The following ANKRD18B variants were observed in gnomAD, a reference collection of about 807,000 sequenced individuals.
ANKRD18B encodes ankyrin repeat domain-containing protein 18B.
Under a neutral mutation model 111.8 loss-of-function variants are expected in ANKRD18B, and 75 were observed. That is an observed-to-expected ratio of 0.67 (90% CI 0.56 to 0.81). The LOEUF is 0.81. ANKRD18B is among the 40% of genes least tolerant of loss of function. ANKRD18B has a pLI of 0.00. For missense variants in ANKRD18B, 1,038 were observed against 1,225.5 expected (o/e 0.85, Z 2.28); for synonymous variants, 356 against 417.3 (o/e 0.85, Z 1.79).
At chr9:33,531,458 A>G (rs1828115184) in intron 3 of ANKRD18B, among the ~76,000 whole-genome samples, 1 of 151,976 alleles carries the variant, frequency 6.6e-6, no homozygotes, top group South Asian at 2.1e-4. Context: ...GTCAACATGT[A>G]AACTTTAGTG....
At chr9:33,537,048 G>C in intron 6 of ANKRD18B, 103 bp downstream of exon 6, 1 of 846,824 alleles carries the variant, frequency 1.2e-6, no homozygotes, top group Non-Finnish European at 1.7e-6. Context: ...TGTAATCCCA[G>C]CACTTTGGGA....
intron 17 of ANKRD18B, among the ~76,000 whole-genome samples, chr9:33,569,749 C>T (rs1189894370): frequency 1.3e-5 from 2 of 152,062 alleles, no homozygotes; most frequent in African/African-American, 2.4e-5. Flanking sequence ...AACCTTTGTG[C>T]TTGGCCAGGT....
chr9:33,548,217 G>C lies in ANKRD18B; in HGVS notation c.1429G>C (p.Glu477Gln), dbSNP rs1239098924. The change falls in exon 11 of 19, where the codon GAG (glutamate) becomes CAG (glutamine). Residue 477 changes from glutamate to glutamine, a missense_variant. This residue lies in a region of ANKRD18B where 205 missense variants were observed against 201.3 expected (regional missense o/e 1.02). Transcript: ENST00000684830. ...GAATGCAAGGCTGAATTCAAAATTG[G>C]AGAAGGAAAAACACAACAAAGAAAG... ...AENARLNSKL[E>Q]KEKHNKERLE... 6.4e-7 allele frequency: 1 copy of C among 1,550,456 alleles called. No homozygotes were observed. Among genetic ancestry groups the C allele is most frequent in the East Asian group, 2.4e-5 (1 of 40,924 alleles).
rs573117997 is a variant in ANKRD18B, at chr9:33,568,723, C to A, written c.3007C>A (p.Arg1003=). ...CACCAAGCTCTTTATGGAGAAAGAG[C>A]GGATGGAATATTTTCTCAGCACTCT... ...ISTKLFMEKE[R]MEYFLSTLPM... is the part of the protein sequence containing the mutation. The change falls in exon 17 of 19, where the codon CGG becomes AGG. Residue 1003 remains arginine, a synonymous_variant. Coordinates refer to ENST00000684830, the MANE Select transcript of ANKRD18B (RefSeq NM_001393611.1). 1.9e-6 allele frequency: 3 copies of A among 1,550,952 alleles called. No homozygotes were observed. The African/African-American group carries it at 4.1e-5, about 21-fold the overall frequency.
chr9:33,550,615 G>A (rs200147994), intron 12 of ANKRD18B, 36 bp downstream of exon 12: 30 of 1,473,120 alleles, frequency 2.0e-5, no homozygotes, highest in Non-Finnish European at 2.7e-5. Flanking sequence ...CAGTTAATCT[G>A]TAGCTGGTTG....
intron 12 of ANKRD18B, among the ~76,000 whole-genome samples, chr9:33,554,359 T>C (rs1380635918): frequency 1.3e-5 from 2 of 152,116 alleles, no homozygotes; most frequent in South Asian, 2.1e-4. Context: ...CTGCACCAAG[T>C]AGCAAATGTA....
chr9:33,542,767 A>G (rs1057319352), intron 9 of ANKRD18B, among the ~76,000 whole-genome samples: 11 of 152,234 alleles, frequency 7.2e-5, no homozygotes, highest in African/African-American at 2.7e-4. Flanking sequence ...CTATAAAGGT[A>G]TAACAGTAAC....
At chr9:33,530,416 A>T (rs1398842171) in intron 3 of ANKRD18B, among the ~76,000 whole-genome samples, 1 of 150,728 alleles carries the variant, frequency 6.6e-6, no homozygotes, top group Non-Finnish European at 1.5e-5. Flanking sequence ...GTCCAGCCTG[A>T]GGCGGGCAGA....
chr9:33,539,176 G>C (rs1828243527), intron 6 of ANKRD18B, among the ~76,000 whole-genome samples: 1 of 152,124 alleles, frequency 6.6e-6, no homozygotes, highest in African/African-American at 2.4e-5. Context: ...TTGGGAGATT[G>C]TTATTACCAC....
In ANKRD18B at chr9:33,558,068, T is replaced by C. The variant is rs765786714; in HGVS notation, c.2341T>C (p.Cys781Arg). 5.1e-5 allele frequency: 81 copies of C among 1,598,356 alleles called. No homozygotes were observed. In the South Asian group the frequency reaches 8.8e-4, roughly 17 times the overall value. The change falls in exon 14 of 19, where the codon TGC (cysteine) becomes CGC (arginine). Residue 781 changes from cysteine (C) to arginine (R), a missense_variant. Cys to Arg is a radical substitution (Grantham distance 180). Coordinates refer to ENST00000684830, the MANE Select transcript of ANKRD18B (RefSeq NM_001393611.1). ...CTTACATTTCTGCAGATATAAGAAA[T>C]GCCTAGAAATGACAATAAATATGTT... ...LEEEATGYKK[C>R]LEMTINMLNA...
chr9:33,573,895 C>T (rs533712459), downstream of ANKRD18B, among the ~76,000 whole-genome samples: 292 of 145,198 alleles, frequency 2.0e-3, 29 homozygotes, highest in African/African-American at 2.9e-3. Flanking sequence ...ACCTAGTCAT[C>T]GGAAGCCTAG....
At chr9:33,543,374 A>G (rs972777428) in intron 10 of ANKRD18B, 119 bp downstream of exon 10, 1 of 802,438 alleles carries the variant, frequency 1.2e-6, no homozygotes. Flanking sequence ...ACAGAGCATA[A>G]TTTCATGTTG....
rs753922734 is a variant in ANKRD18B, at chr9:33,571,222, TA to T, written c.3178-23del. 66 of 819,036 alleles carry T rather than the reference TA, an allele frequency of 8.1e-5. No individual in the cohort carries two copies. The Middle Eastern group carries it at 2.3e-3, about 29-fold the overall frequency. 50.7% of individuals were successfully genotyped at this position (819,036 alleles called of 1,614,324 possible). A position where few individuals can be genotyped will look rare whatever the true frequency, so the allele number is the denominator to read the frequency against. On this transcript the variant is annotated intron_variant, in intron 17 of 18. Coordinates refer to ENST00000684830, the MANE Select transcript of ANKRD18B (RefSeq NM_001393611.1). ...TCTTGTTTAACTTAAACATTATTAT[TA>T]TTTTTTTTTTTACTTATTTTAGATG...
chr9:33,566,545 T>C (rs887440282), intron 15 of ANKRD18B, 45 bp downstream of exon 15: 40 of 1,573,032 alleles, frequency 2.5e-5, no homozygotes, highest in Non-Finnish European at 2.9e-5. Context: ...TGGGCTTTCA[T>C]TTATTTCACT....
chr9:33,573,212 G>A (rs200114093), downstream of ANKRD18B: 91 of 985,216 alleles, frequency 9.2e-5, no homozygotes, highest in Admixed American at 1.8e-4. Flanking sequence ...TGGAGCCACC[G>A]AGGAAGCACA....
chr9:33,550,641 A>C, intron 12 of ANKRD18B, 62 bp downstream of exon 12: 1 of 1,410,664 alleles, frequency 7.1e-7, no homozygotes, highest in East Asian at 2.6e-5. Flanking sequence ...CAGTATCCTA[A>C]GTGTCTTAGG....
intron 15 of ANKRD18B, 79 bp from the exon 16 acceptor site, chr9:33,567,024 G>C: frequency 7.2e-7 from 1 of 1,397,382 alleles, no homozygotes; most frequent in East Asian, 2.6e-5. Context: ...TTGAATCACT[G>C]ATTCAAAATG....
intron 1 of ANKRD18B, among the ~76,000 whole-genome samples, chr9:33,526,236 A>G (rs1828023230): frequency 1.3e-5 from 2 of 152,218 alleles, no homozygotes; most frequent in Non-Finnish European, 2.9e-5. Context: ...ACTCCATTGT[A>G]TTAAAATACC....
At chr9:33,559,074 AGG>A (rs1287073618) in intron 14 of ANKRD18B, among the ~76,000 whole-genome samples, 1 of 152,232 alleles carries the variant, frequency 6.6e-6, no homozygotes, top group Non-Finnish European at 1.5e-5. Flanking sequence ...AACTGGAAAT[AGG>A]TATAAAGGAA....
Sources: allele counts gnomAD v4.1 joint callset (sites outside exome capture counted in the v4.1 genomes callset), GRCh38; gene constraint gnomAD v4.1.1; regional missense constraint gnomAD v4.1.1; transcripts MANE v1.5; gene names NCBI Gene and HGNC (gene_info 2026-07-23, HGNC 2026-07-21).